The following PDS5A variants were observed in gnomAD, a reference collection of about 807,000 sequenced individuals.
PDS5A encodes sister chromatid cohesion protein PDS5 homolog A.
In PDS5A, 42 loss-of-function variants were observed where a neutral mutation model predicts 167.1. The observed-to-expected ratio is 0.25, with a 90% confidence interval of 0.20 to 0.33. The LOEUF is 0.33. PDS5A is among the 10% of genes least tolerant of loss of function. PDS5A has a pLI of 1.00. For missense variants in PDS5A, 1,033 were observed against 1,605.9 expected (o/e 0.64, Z 6.10); for synonymous variants, 553 against 554.6 (o/e 1.00, Z 0.04).
At position 39,906,398 on chromosome 4, in the gene PDS5A, G is replaced by A. The variant is rs137913421; in HGVS notation, c.1233+1997C>T. Among the ~76,000 whole-genome samples, 705 of 151,946 alleles carry A rather than the reference G, an allele frequency of 4.6e-3. 8 individuals are homozygous for A. Among genetic ancestry groups the A allele is most frequent in the African/African-American group, 0.016 (661 of 41,460 alleles). On this transcript the variant is annotated intron_variant, in intron 11 of 32. Coordinates refer to ENST00000303538, the MANE Select transcript of PDS5A (RefSeq NM_001100399.2). ...AAAAAAAAAAACCTTAGTGATCACCGTAAGTGAACTTCCTTACGTTGCAAA... is the reference window on the plus strand; with the variant it reads ...AAAAAAAAAAACCTTAGTGATCACCATAAGTGAACTTCCTTACGTTGCAAA...
intron 2 of PDS5A, among the ~76,000 whole-genome samples, chr4:39,969,797 C>T (rs1242596045): frequency 6.6e-6 from 1 of 151,882 alleles, no homozygotes; most frequent in Non-Finnish European, 1.5e-5. Context: ...AGTATTTGTT[C>T]AGCACCCAAT....
intron 14 of PDS5A, among the ~76,000 whole-genome samples, chr4:39,899,863 A>T (rs1174827793): frequency 1.2e-5 from 1 of 86,300 alleles, no homozygotes; most frequent in East Asian, 6.2e-4. Context: ...AAAAAAAAAA[A>T]AAAAAAAAAA....
chr4:39,833,010 T>TAATAAATA (rs150009872), intron 32 of PDS5A, among the ~76,000 whole-genome samples: 1 of 148,354 alleles, frequency 6.7e-6, no homozygotes, highest in African/African-American at 2.5e-5. Context: ...AAGAAAAAAA[T>TAATAAATA]AATAAATAAA....
intron 28 of PDS5A, chr4:39,847,505 G>A (rs1241492552): frequency 1.3e-5 from 2 of 152,064 alleles, no homozygotes; most frequent in Non-Finnish European, 2.9e-5. Flanking sequence ...TTGAGAGGCT[G>A]AGGTAGGAGA....
chr4:39,913,716 C>G lies in PDS5A; in HGVS notation c.887G>C (p.Gly296Ala). 6.3e-7 allele frequency: 1 copy of G among 1,576,098 alleles called. No individual in the cohort carries two copies. The change falls in exon 9 of 33, where the codon GGA (glycine) becomes GCA (alanine). Residue 296 changes from glycine to alanine, a missense_variant. By Grantham distance (60) the Gly-to-Ala change is moderately conservative. This residue lies in a region of PDS5A where 388 missense variants were observed against 615.1 expected (regional missense o/e 0.63). Coordinates refer to ENST00000303538, the MANE Select transcript of PDS5A (RefSeq NM_001100399.2). ...TCGAACAACAGCTAATCGCTCTTCT[C>G]CATCATTGCTCTAAGAAGGGAAAAC... The part of the protein sequence containing the change: ...QLEFKLKSND[G>A]EERLAVVRLL...
At chr4:39,930,262 G>GTT (rs1194110821) in intron 2 of PDS5A, among the ~76,000 whole-genome samples, 68 of 74,968 alleles carry the variant, frequency 9.1e-4, no homozygotes, top group African/African-American at 2.8e-3. Context: ...TTTGTTTTTT[G>GTT]TTTTTTTTTT....
rs526386 is a variant in PDS5A at position 39,970,991 on chromosome 4, C to G, written c.138+5449G>C. On this transcript the variant is annotated intron_variant, in intron 2 of 32. Transcript: ENST00000303538. The stretch of plus-strand genomic sequence containing the variant: ...TTTGTCATGTTGCCCAGGCCTATCT[C>G]AAATTCCTGGGCTCAAGTGTTCCTC... Among the ~76,000 whole-genome samples, 983 of 151,494 alleles carry G rather than the reference C, an allele frequency of 6.5e-3. 26 individuals are homozygous for G. The highest frequency in any genetic ancestry group is 0.022 in the African/African-American group (920 of 41,072).
chr4:39,862,457 T>TA (rs1411072610), intron 25 of PDS5A, 124 bp from the exon 26 acceptor site: 47 of 514,494 alleles, frequency 9.1e-5, no homozygotes, highest in African/African-American at 7.8e-4. Flanking sequence ...GATACCTGGA[T>TA]ACTAAAATAC....
chr4:39,930,246 A>AAAAAAAAAAAAAAAAAAAATTTT, intron 2 of PDS5A, among the ~76,000 whole-genome samples: 1 of 93,090 alleles, frequency 1.1e-5, no homozygotes, highest in Non-Finnish European at 2.2e-5. Flanking sequence ...AAAAAAAAAA[A>AAAAAAAAAAAAAAAAAAAATTTT]GTTTTTTTGT....
intron 32 of PDS5A, among the ~76,000 whole-genome samples, chr4:39,825,996 C>T (rs1339016216): frequency 6.6e-6 from 1 of 152,072 alleles, no homozygotes; most frequent in Admixed American, 6.6e-5. Flanking sequence ...AAACCAAACA[C>T]CAATAAAGAA....
At chr4:39,895,614 C>CAGTATATAATAT (rs1722337016) in intron 16 of PDS5A, among the ~76,000 whole-genome samples, 1 of 152,164 alleles carries the variant, frequency 6.6e-6, no homozygotes, top group Non-Finnish European at 1.5e-5. Flanking sequence ...AAACACTGTA[C>CAGTATATAATAT]ACTTAGGCAG....
At chr4:39,976,894 C>G (rs542186332) in intron 1 of PDS5A, among the ~76,000 whole-genome samples, 2 of 152,158 alleles carry the variant, frequency 1.3e-5, no homozygotes, top group Admixed American at 6.5e-5. Flanking sequence ...TGAAATCCAC[C>G]CCCGAGCACC....
At chr4:39,867,959 T>C (rs1719697271) in intron 22 of PDS5A, among the ~76,000 whole-genome samples, 1 of 152,136 alleles carries the variant, frequency 6.6e-6, no homozygotes, top group African/African-American at 2.4e-5. Context: ...AGTCAAAAGA[T>C]TGTTACCAAT....
intron 2 of PDS5A, among the ~76,000 whole-genome samples, chr4:39,969,158 C>T (rs1730266999): frequency 1.3e-5 from 2 of 152,168 alleles, no homozygotes; most frequent in Admixed American, 1.3e-4. Context: ...TAATATTTGT[C>T]AATTAATATA....
rs1717940403 is a variant in PDS5A, at chr4:39,849,592, A to G, written c.3147T>C (p.Phe1049=). 1 of 1,610,050 alleles carries G rather than the reference A, an allele frequency of 6.2e-7. No homozygotes were observed. The highest frequency in any genetic ancestry group is 1.3e-5 in the African/African-American group (1 of 74,858). The change falls in exon 27 of 33, where the codon TTT becomes TTC. Residue 1049 remains phenylalanine, a synonymous_variant. Coordinates refer to ENST00000303538, the MANE Select transcript of PDS5A (RefSeq NM_001100399.2). ...TGATGTTCTCTGCCATCTTCTTCATAAAGGCATGGCTATTGTTTTCATTCT... is the reference window on the plus strand; with the variant it reads ...TGATGTTCTCTGCCATCTTCTTCATGAAGGCATGGCTATTGTTTTCATTCT... ...MTKNENNSHA[F]MKKMAENIKL...
intron 31 of PDS5A, among the ~76,000 whole-genome samples, chr4:39,840,794 G>T (rs1021808976): frequency 6.6e-6 from 1 of 152,048 alleles, no homozygotes; most frequent in African/African-American, 2.4e-5. Flanking sequence ...CACTCTTGTC[G>T]CCCAGGCTGG....
intron 32 of PDS5A, among the ~76,000 whole-genome samples, chr4:39,836,492 T>G (rs995414065): frequency 2.0e-5 from 3 of 152,134 alleles, no homozygotes; most frequent in Non-Finnish European, 2.9e-5. Flanking sequence ...TGGAGTGCAA[T>G]GGCGCAATCT....
At chr4:39,935,658 T>G (rs912458288) in intron 2 of PDS5A, among the ~76,000 whole-genome samples, 2 of 152,214 alleles carry the variant, frequency 1.3e-5, no homozygotes, top group Non-Finnish European at 2.9e-5. Flanking sequence ...ACCACATAGC[T>G]TTGATTACTG....
intron 31 of PDS5A, 32 bp downstream of exon 31, chr4:39,841,915 GA>G: frequency 8.5e-7 from 1 of 1,181,914 alleles, no homozygotes; most frequent in South Asian, 1.2e-5. Flanking sequence ...AATCTCCATG[GA>G]AAAAATCCAC....
Sources: allele counts gnomAD v4.1 joint callset (sites outside exome capture counted in the v4.1 genomes callset), GRCh38; gene constraint gnomAD v4.1.1; regional missense constraint gnomAD v4.1.1; transcripts MANE v1.5; gene names NCBI Gene and HGNC (gene_info 2026-07-23, HGNC 2026-07-21).